The following DHX36 variants were observed in gnomAD, a reference collection of about 807,000 sequenced individuals.
DHX36 encodes ATP-dependent DNA/RNA helicase DHX36.
DHX36 carries 50 observed loss-of-function variants against 139.0 expected under a neutral mutation model. That is an observed-to-expected ratio of 0.36 (90% confidence interval 0.29 to 0.46). The LOEUF (loss-of-function observed/expected upper bound fraction) is 0.46, where lower values mean the gene tolerates loss of function less well. Among genes scored for constraint, DHX36 ranks in the 20% least tolerant of loss-of-function variants. The pLI is 1.00. For missense variants in DHX36, 1,024 were observed against 1,211.3 expected (o/e 0.85, Z 2.29); for synonymous variants, 425 against 401.9 (o/e 1.06, Z -0.69).
intron 22 of DHX36, 169 bp downstream of exon 22, chr3:154,280,410 G>C (rs567326106): frequency 1.7e-6 from 1 of 573,628 alleles, no homozygotes; most frequent in East Asian, 2.9e-5. Flanking sequence ...GTGAGGGAAA[G>C]TGATACCAAT....
intron 3 of DHX36, chr3:154,314,740 A>G (rs1421596316): frequency 4.5e-6 from 1 of 224,576 alleles, no homozygotes; most frequent in Non-Finnish European, 8.7e-6. Flanking sequence ...CCTTTACTGC[A>G]CATGGCACCT....
At chr3:154,288,988 T>C in intron 16 of DHX36, 24 bp from the exon 17 acceptor site, 1 of 1,189,994 alleles carries the variant, frequency 8.4e-7, no homozygotes, top group Non-Finnish European at 1.2e-6. Flanking sequence ...ACAAATATTA[T>C]TAAATACATA....
At chr3:154,278,315 C>A (rs1719220299) in intron 22 of DHX36, among the ~76,000 whole-genome samples, 1 of 151,616 alleles carries the variant, frequency 6.6e-6, no homozygotes. Context: ...TAGTCATACA[C>A]ATTTTATCTC....
chr3:154,303,480 AG>A, intron 8 of DHX36, 70 bp from the exon 9 acceptor site: 1 of 1,132,360 alleles, frequency 8.8e-7, no homozygotes, highest in African/African-American at 1.6e-5. Context: ...TACTGTAAAT[AG>A]GACAATGACT....
intron 13 of DHX36, 21 bp downstream of exon 13, chr3:154,295,263 A>G (rs1711995364): frequency 6.8e-7 from 1 of 1,481,232 alleles, no homozygotes. Flanking sequence ...TACATTTAAC[A>G]AATGTATCCA....
chr3:154,289,582 T>A, intron 16 of DHX36, 127 bp downstream of exon 16: 1 of 656,506 alleles, frequency 1.5e-6, no homozygotes, highest in South Asian at 1.9e-5. Flanking sequence ...AATTTACTAA[T>A]GCACACATGA....
chr3:154,283,848 T>C (rs1719415516), intron 19 of DHX36, among the ~76,000 whole-genome samples: 2 of 152,152 alleles, frequency 1.3e-5, no homozygotes, highest in African/African-American at 4.8e-5. Context: ...CACGTGGCTT[T>C]TGGGAGCAGA....
chr3:154,318,234 A>C (rs1713062673), intron 1 of DHX36, among the ~76,000 whole-genome samples: 1 of 148,618 alleles, frequency 6.7e-6, no homozygotes, highest in Non-Finnish European at 1.5e-5. Flanking sequence ...CAAATGAACT[A>C]TATGTTACCT....
intron 12 of DHX36, among the ~76,000 whole-genome samples, chr3:154,296,948 T>C (rs776428797): frequency 2.6e-5 from 4 of 152,190 alleles, no homozygotes; most frequent in Non-Finnish European, 4.4e-5. Context: ...CCAAAAATAC[T>C]TGAATTGAAT....
At chr3:154,295,810 T>C (rs1477869019) in intron 12 of DHX36, among the ~76,000 whole-genome samples, 1 of 152,226 alleles carries the variant, frequency 6.6e-6, no homozygotes, top group African/African-American at 2.4e-5. Flanking sequence ...GGTCTCATTC[T>C]GTTGCCCGTT....
chr3:154,308,918 A>C (rs1712619040), intron 5 of DHX36, among the ~76,000 whole-genome samples: 1 of 152,124 alleles, frequency 6.6e-6, no homozygotes, highest in Non-Finnish European at 1.5e-5. Context: ...CTGGACACAG[A>C]GACTTATGCC....
chr3:154,303,746 T>C (rs1283922684), intron 8 of DHX36, among the ~76,000 whole-genome samples: 2 of 152,206 alleles, frequency 1.3e-5, no homozygotes, highest in Admixed American at 6.5e-5. Context: ...GGTGCCATAA[T>C]AGAATATCCA....
Position 154,310,815 on chromosome 3 carries a change from A to ATATATGTG in DHX36, c.642+820_642+821insCACATATA, listed in dbSNP as rs1712722643. On this transcript the variant is annotated intron_variant, in intron 4 of 24. Coordinates refer to ENST00000496811, the MANE Select transcript of DHX36 (RefSeq NM_020865.3). ...AAAAAAAAAAAAAAAAAATATATAT[A>ATATATGTG]TATATATATATATATATATATATAT... Among the ~76,000 whole-genome samples the ATATATGTG allele has an allele frequency of 8.6e-5, 2 of 23,132 alleles. 1 individual carries two copies. The highest frequency in any genetic ancestry group is 4.2e-4 in the African/African-American group (2 of 4,818). The allele number at this position is 23,132 out of a possible 152,430, so 15.2% of individuals were successfully genotyped here.
At chr3:154,313,515 A>G (rs369088146) in intron 3 of DHX36, among the ~76,000 whole-genome samples, 5 of 152,150 alleles carry the variant, frequency 3.3e-5, no homozygotes, top group African/African-American at 1.2e-4. Context: ...CCCTGTCTCT[A>G]CAAAAAATAC....
intron 9 of DHX36, among the ~76,000 whole-genome samples, chr3:154,302,651 G>A (rs1712343447): frequency 6.6e-6 from 1 of 152,124 alleles, no homozygotes. Context: ...GAGAAGACTG[G>A]GGGAAATTAT....
intron 20 of DHX36, 121 bp downstream of exon 20, chr3:154,283,067 T>C (rs1040563023): frequency 6.1e-5 from 42 of 683,272 alleles, no homozygotes; most frequent in Admixed American, 1.1e-4. Flanking sequence ...TGTGTATATA[T>C]ACAAATATAC....
intron 16 of DHX36, 91 bp from the exon 17 acceptor site, chr3:154,289,055 A>T (rs1231799360): frequency 1.6e-5 from 8 of 486,756 alleles, no homozygotes; most frequent in Admixed American, 8.0e-5. Context: ...GACTCAAAGC[A>T]TCAAATTTAT....
rs751069370 is a variant in DHX36, at chr3:154,284,783, A to C, written c.2205+31T>G. 5 of 1,610,018 alleles carry C rather than the reference A, an allele frequency of 3.1e-6. No homozygotes were observed. In the African/African-American group the frequency reaches 5.4e-5, roughly 17 times the overall value. ...CTAAGCAACTCCTGTTCACATCTAA[A>C]ATAACTCGGTTTTATTTCCATTTTT... On this transcript the variant is annotated intron_variant, in intron 18 of 24. Coordinates refer to ENST00000496811, the MANE Select transcript of DHX36 (RefSeq NM_020865.3).
In DHX36 at chr3:154,276,118, A is replaced by C; in HGVS notation, c.*53T>G. 6.4e-7 allele frequency: 1 copy of C among 1,558,416 alleles called. No homozygotes were observed. Among genetic ancestry groups the C allele is most frequent in the Non-Finnish European group, 8.7e-7 (1 of 1,153,020 alleles). ...TTTGGCATCCAGCCAAAATTTAAAC[A>C]ATGATGAAGAATGGCTGTCAAACTG... On this transcript the variant is annotated 3_prime_UTR_variant, in exon 25 of 25. Coordinates refer to ENST00000496811, the MANE Select transcript of DHX36 (RefSeq NM_020865.3).
Sources: gnomAD v4.1 joint callset for allele counts (sites outside exome capture counted in the v4.1 genomes callset) on GRCh38, gnomAD v4.1.1 for gene constraint, MANE v1.5 for transcripts, NCBI Gene and HGNC (gene_info 2026-07-23, HGNC 2026-07-21) for gene names.